The following PHACTR1 variants were observed in gnomAD, a reference collection of about 807,000 sequenced individuals.
The protein encoded by PHACTR1 is phosphatase and actin regulator 1.
A neutral mutation model predicts 69.2 loss-of-function variants in PHACTR1; 16 were observed. The observed-to-expected ratio is 0.23, with a 90% CI of 0.16 to 0.35. PHACTR1 has a LOEUF of 0.35. Among genes scored for constraint, PHACTR1 ranks in the 10% least tolerant of loss-of-function variants. The probability of loss-of-function intolerance (pLI) is 1.00; values close to 1 mark genes in which losing one functional copy is unlikely to be tolerated. For synonymous variants in PHACTR1, 312 were observed against 284.5 expected (o/e 1.10, Z -0.97); for missense variants, 510 against 734.7 (o/e 0.69, Z 3.54).
At chr6:12,787,014 A>C (rs890934480) in intron 4 of PHACTR1, among the ~76,000 whole-genome samples, 7 of 152,240 alleles carry the variant, frequency 4.6e-5, no homozygotes, top group African/African-American at 1.4e-4. Flanking sequence ...AAATACTGCC[A>C]GGGAAAATAT....
chr6:13,219,392 G>A (rs558697366), intron 8 of PHACTR1, among the ~76,000 whole-genome samples: 9 of 152,290 alleles, frequency 5.9e-5, no homozygotes, highest in African/African-American at 9.6e-5. Flanking sequence ...TGTCGGGCAG[G>A]GACGGGGCAC....
chr6:12,927,540 T>C (rs886166217), intron 4 of PHACTR1, among the ~76,000 whole-genome samples: 1 of 152,192 alleles, frequency 6.6e-6, no homozygotes, highest in Non-Finnish European at 1.5e-5. Flanking sequence ...TCCCATTTTG[T>C]GGATTATAAA....
At chr6:13,225,495 C>T (rs1474780055) in intron 8 of PHACTR1, among the ~76,000 whole-genome samples, 1 of 152,210 alleles carries the variant, frequency 6.6e-6, no homozygotes, top group East Asian at 1.9e-4. Context: ...GCAAGAAGGT[C>T]TCTCGCTGCC....
chr6:13,185,259 T>A (rs1348131637), intron 7 of PHACTR1, among the ~76,000 whole-genome samples: 1 of 152,246 alleles, frequency 6.6e-6, no homozygotes, highest in Non-Finnish European at 1.5e-5. Context: ...TGTAAATGTG[T>A]ACATTGTATT....
chr6:12,756,975 G>C (rs368832509), intron 4 of PHACTR1, among the ~76,000 whole-genome samples: 1 of 152,124 alleles, frequency 6.6e-6, no homozygotes, highest in East Asian at 1.9e-4. Context: ...AAAACAAATA[G>C]CATCTTACTT....
At chr6:12,901,016 T>G (rs1785130692) in intron 4 of PHACTR1, among the ~76,000 whole-genome samples, 1 of 152,114 alleles carries the variant, frequency 6.6e-6, no homozygotes. Flanking sequence ...TTGGGAGGAA[T>G]GTGTGTTTTC....
intron 10 of PHACTR1, among the ~76,000 whole-genome samples, chr6:13,270,977 G>C (rs1430678560): frequency 6.6e-6 from 1 of 151,632 alleles, no homozygotes; most frequent in African/African-American, 2.4e-5. Context: ...GAGAGAGAGA[G>C]AGAGTGAGCA....
At chr6:12,786,700 C>T (rs1236354953) in intron 4 of PHACTR1, among the ~76,000 whole-genome samples, 3 of 152,212 alleles carry the variant, frequency 2.0e-5, no homozygotes, top group African/African-American at 7.2e-5. Context: ...GAGCAAAGCT[C>T]TTCAAGGTCC....
chr6:12,740,972 T>C (rs934733784), intron 3 of PHACTR1, among the ~76,000 whole-genome samples: 1 of 152,042 alleles, frequency 6.6e-6, no homozygotes. Context: ...GTTTCATTTA[T>C]TTTTCAACTC....
chr6:13,192,584 G>A (rs13191209), intron 7 of PHACTR1, among the ~76,000 whole-genome samples: 34,062 of 152,140 alleles, frequency 0.22, 4,779 homozygotes, highest in Non-Finnish European at 0.3. Flanking sequence ...CTTGATTTCA[G>A]CCAAGCATGT....
At chr6:13,131,263 G>A (rs372671456) in intron 5 of PHACTR1, among the ~76,000 whole-genome samples, 5 of 148,378 alleles carry the variant, frequency 3.4e-5, no homozygotes, top group Admixed American at 2.7e-4. Context: ...ATACTACTCA[G>A]CCATAAAAAG....
chr6:13,176,210 G>A (rs532893793), intron 6 of PHACTR1, among the ~76,000 whole-genome samples: 7 of 152,140 alleles, frequency 4.6e-5, no homozygotes, highest in Non-Finnish European at 8.8e-5. Context: ...ATCTTGCAGG[G>A]GAAAAAAAGT....
At chr6:13,017,390 G>A (rs545456221) in intron 4 of PHACTR1, among the ~76,000 whole-genome samples, 149 of 151,992 alleles carry the variant, frequency 9.8e-4, no homozygotes, top group African/African-American at 3.4e-3. Context: ...GTTTATTATG[G>A]TAAAGAATGA....
intron 4 of PHACTR1, among the ~76,000 whole-genome samples, chr6:12,816,018 C>G (rs193113579): frequency 6.6e-6 from 1 of 152,320 alleles, no homozygotes; most frequent in Admixed American, 6.5e-5. Context: ...AGTTAACTCA[C>G]TACACCTCTT....
At chr6:13,248,198 G>T (rs765475479) in intron 10 of PHACTR1, among the ~76,000 whole-genome samples, 5 of 152,142 alleles carry the variant, frequency 3.3e-5, no homozygotes, top group Non-Finnish European at 7.3e-5. Flanking sequence ...AGCCATCTGG[G>T]GCCACAGCCT....
Position 12,822,118 on chromosome 6 carries a change from G to C in PHACTR1, c.250+72328G>C, listed in dbSNP as rs542056088. Among the ~76,000 whole-genome samples the C allele has an allele frequency of 4.6e-5, 7 of 152,316 alleles. No homozygotes were observed. In the East Asian group the frequency reaches 1.4e-3, roughly 29 times the overall value. On this transcript the variant is annotated intron_variant, in intron 4 of 14. Coordinates refer to ENST00000332995, the MANE Select transcript of PHACTR1 (RefSeq NM_030948.6). Reference sequence around the variant, plus strand: ...AGACTCTGGGCTGCTGGAGGACACAGGTCTGGAAATATAAGGGACAAGAAC... The same window carrying C: ...AGACTCTGGGCTGCTGGAGGACACACGTCTGGAAATATAAGGGACAAGAAC...
At chr6:13,058,916 G>A (rs1445230677) in intron 5 of PHACTR1, among the ~76,000 whole-genome samples, 1 of 152,128 alleles carries the variant, frequency 6.6e-6, no homozygotes, top group Non-Finnish European at 1.5e-5. Context: ...GCCTCGTTTA[G>A]AGCAAATTCA....
chr6:13,210,545 A>T (rs1766654391), intron 8 of PHACTR1, among the ~76,000 whole-genome samples: 1 of 152,188 alleles, frequency 6.6e-6, no homozygotes, highest in African/African-American at 2.4e-5. Context: ...GGGTTCCAGA[A>T]TTAACTGCCG....
At chr6:13,019,369 C>G (rs974648536) in intron 4 of PHACTR1, among the ~76,000 whole-genome samples, 2 of 152,190 alleles carry the variant, frequency 1.3e-5, no homozygotes, top group African/African-American at 4.8e-5. Context: ...GATGCTGTTG[C>G]TGTTAGTGCC....
Sources: gnomAD v4.1 joint callset for allele counts (sites outside exome capture counted in the v4.1 genomes callset) on GRCh38, gnomAD v4.1.1 for gene constraint, MANE v1.5 for transcripts, NCBI Gene and HGNC (gene_info 2026-07-23, HGNC 2026-07-21) for gene names.